IKBKB: variants seen among roughly 807,000 people sequenced by gnomAD.
IKBKB encodes inhibitor of nuclear factor kappa-B kinase subunit beta.
IKBKB carries 42 observed loss-of-function variants against 113.6 expected under a neutral mutation model. The ratio of observed to expected loss-of-function variants is 0.37; its 90% CI spans 0.29 to 0.48. IKBKB has a LOEUF of 0.48. Among genes scored for constraint, IKBKB ranks in the 20% least tolerant of loss-of-function variants. The probability of loss-of-function intolerance (pLI) is 0.99; values close to 1 mark genes in which losing one functional copy is unlikely to be tolerated. For synonymous variants in IKBKB, 296 were observed against 361.3 expected (o/e 0.82, Z 2.05); for missense variants, 673 against 939.7 (o/e 0.72, Z 3.71).
rs184635111 is a variant in IKBKB, at chr8:42,312,432, A to T, written c.693-1890A>T. Among the ~76,000 whole-genome samples, 497 of 152,332 alleles carry T rather than the reference A, an allele frequency of 3.3e-3. 7 individuals carry two copies. Among genetic ancestry groups the T allele is most frequent in the Admixed American group, 0.029 (443 of 15,302 alleles). On this transcript the variant is annotated intron_variant, in intron 8 of 21. Transcript: ENST00000520810. ...TTCAAGTAGATTTCTCTGAAACCCA[A>T]TAAGGAGCTGTTTTGTGGACTATCT... is the stretch of plus-strand genomic sequence containing the variant.
intron 4 of IKBKB, among the ~76,000 whole-genome samples, chr8:42,293,193 C>T (rs1813014615): frequency 6.6e-6 from 1 of 152,156 alleles, no homozygotes; most frequent in African/African-American, 2.4e-5. Flanking sequence ...AAACTTTACT[C>T]ACCTCAGAGG....
At position 42,331,527 on chromosome 8, in the gene IKBKB, C is replaced by G. The variant is rs934726658; in HGVS notation, c.*548C>G. 1.6e-6 allele frequency: 1 copy of G among 638,288 alleles called. No individual in the cohort carries two copies. Among genetic ancestry groups the G allele is most frequent in the African/African-American group, 1.8e-5 (1 of 55,252 alleles). 39.5% of individuals were successfully genotyped at this position (638,288 alleles called of 1,614,324 possible). A position where few individuals can be genotyped will look rare whatever the true frequency, so the allele number is the denominator to read the frequency against. ...CTGGATTCAGCTTCTCCTAAACAGA[C>G]AGTTTAATTATAGTTGCGGCCTGGC... On this transcript the variant is annotated 3_prime_UTR_variant, in exon 22 of 22. Coordinates refer to ENST00000520810, the MANE Select transcript of IKBKB (RefSeq NM_001556.3).
At chr8:42,318,978 C>A in intron 13 of IKBKB, 1 of 537,874 alleles carries the variant, frequency 1.9e-6, no homozygotes, top group East Asian at 3.2e-5. Flanking sequence ...CAAAACTCCC[C>A]TGACCGTGCT....
intron 2 of IKBKB, among the ~76,000 whole-genome samples, chr8:42,273,282 G>A (rs1480841382): frequency 6.6e-6 from 1 of 151,536 alleles, no homozygotes; most frequent in Non-Finnish European, 1.5e-5. Context: ...TGGTGTGGTG[G>A]TGCATGCCTG....
At chr8:42,271,515 C>T in intron 1 of IKBKB, 46 bp downstream of exon 1, 2 of 659,088 alleles carry the variant, frequency 3.0e-6, no homozygotes, top group South Asian at 2.0e-5. Flanking sequence ...CTGCAGGCCC[C>T]GCCGCCCCGC....
At chr8:42,276,984 A>C (rs1173348992) in intron 2 of IKBKB, among the ~76,000 whole-genome samples, 1 of 145,294 alleles carries the variant, frequency 6.9e-6, no homozygotes, top group Admixed American at 7.2e-5. Flanking sequence ...CTCCTGCCTC[A>C]GCCTCCCAAG....
Position 42,331,196 on chromosome 8 carries a change from C to G in IKBKB, c.*217C>G, listed in dbSNP as rs200059646. ...CTTCCTCAGCAGCTGTGACTTTCAC[C>G]CAGGACCCAGGACGCAGCCCTCCGT... is the stretch of plus-strand genomic sequence containing the variant. On this transcript the variant is annotated 3_prime_UTR_variant, in exon 22 of 22. Coordinates refer to ENST00000520810, the MANE Select transcript of IKBKB (RefSeq NM_001556.3). The G allele has an allele frequency of 3.9e-6, 3 of 772,820 alleles. No individual in the cohort carries two copies. The highest frequency in any genetic ancestry group is 6.7e-6 in the Non-Finnish European group (3 of 450,906). 47.9% of individuals were successfully genotyped at this position (772,820 alleles called of 1,614,324 possible).
Position 42,331,862 on chromosome 8 carries a change from GTC to G in IKBKB, c.*888_*889del. ...GTGTGTGCTGGGCCGGGGAGTCCCT[GTC>G]TCTCACAGCATCTAGCAGTATTATT... On this transcript the variant is annotated 3_prime_UTR_variant, in exon 22 of 22. Transcript: ENST00000520810. 1 of 193,082 alleles carries G rather than the reference GTC, an allele frequency of 5.2e-6. No individual in the cohort carries two copies. Among genetic ancestry groups the G allele is most frequent in the Non-Finnish European group, 1.1e-5 (1 of 91,388 alleles). 12.0% of individuals were successfully genotyped at this position (193,082 alleles called of 1,614,324 possible). A position where few individuals can be genotyped will look rare whatever the true frequency, so the allele number is the denominator to read the frequency against.
At chr8:42,305,158 TAAG>T in intron 5 of IKBKB, 26 bp from the exon 6 acceptor site, 1 of 1,523,700 alleles carries the variant, frequency 6.6e-7, no homozygotes, top group Non-Finnish European at 9.1e-7. Flanking sequence ...TTTTTAGGCC[TAAG>T]AAAAACTCAC....
chr8:42,299,050 T>A (rs1814557847), intron 5 of IKBKB, among the ~76,000 whole-genome samples: 2 of 152,152 alleles, frequency 1.3e-5, no homozygotes, highest in African/African-American at 4.8e-5. Context: ...AACCCTGAAC[T>A]CATCCTAAAG....
intron 5 of IKBKB, among the ~76,000 whole-genome samples, chr8:42,293,797 C>T (rs1387693516): frequency 3.3e-5 from 5 of 152,178 alleles, no homozygotes; most frequent in Non-Finnish European, 4.4e-5. Context: ...AAGCTCCCCT[C>T]CCTCCTTTCC....
At chr8:42,284,822 G>GTGCAT in intron 2 of IKBKB, among the ~76,000 whole-genome samples, 2 of 150,702 alleles carry the variant, frequency 1.3e-5, no homozygotes, top group Non-Finnish European at 3.0e-5. Flanking sequence ...GGTGTAACAT[G>GTGCAT]GTCTGCACAT....
At chr8:42,308,462 T>C (rs1817001808) in intron 7 of IKBKB, among the ~76,000 whole-genome samples, 1 of 152,024 alleles carries the variant, frequency 6.6e-6, no homozygotes, top group South Asian at 2.1e-4. Flanking sequence ...CATGCCCAGC[T>C]AATTTTTGTA....
Position 42,289,766 on chromosome 8 carries a change from AG to A in IKBKB, c.201-389del, listed in dbSNP as rs1441213492. Among the ~76,000 whole-genome samples the A allele has an allele frequency of 3.3e-5, 5 of 152,134 alleles. 1 individual carries two copies. Among genetic ancestry groups the A allele is most frequent in the Non-Finnish European group, 7.4e-5 (5 of 68,004 alleles). ...ACCTGCCGAAAATTAAACAGACAAA[AG>A]AAAAAAAATATGAAAACAAAAAGAG... is the stretch of plus-strand genomic sequence containing the variant. On this transcript the variant is annotated intron_variant, in intron 3 of 21. Transcript: ENST00000520810.
Position 42,271,306 on chromosome 8 carries a change from C to T in IKBKB, c.-182C>T, listed in dbSNP as rs1053465097. Reference sequence around the variant, plus strand: ...CGGCCGCGGCCAACGTGCTCCGTGACGTCAGAGCAGGAAGTGTTTGAGGAA... The same window carrying T: ...CGGCCGCGGCCAACGTGCTCCGTGATGTCAGAGCAGGAAGTGTTTGAGGAA... On this transcript the variant is annotated 5_prime_UTR_variant, in exon 1 of 22. It adds an upstream start codon to the 5' untranslated region. Coordinates refer to ENST00000520810, the MANE Select transcript of IKBKB (RefSeq NM_001556.3). 6 of 897,154 alleles carry T rather than the reference C, an allele frequency of 6.7e-6. No individual in the cohort carries two copies. Among genetic ancestry groups the T allele is most frequent in the Admixed American group, 2.0e-5 (1 of 50,034 alleles). 55.6% of individuals were successfully genotyped at this position (897,154 alleles called of 1,614,324 possible). A position where few individuals can be genotyped will look rare whatever the true frequency, so the allele number is the denominator to read the frequency against.
chr8:42,317,645 G>C lies in IKBKB; in HGVS notation c.1126-12G>C, dbSNP rs1164701264. On this transcript the variant is annotated splice_polypyrimidine_tract_variant and intron_variant, in intron 11 of 21. Transcript: ENST00000520810. ...GATCCACAAGATTCATTTTGTCCTT[G>C]TCCCTTTGCAGTTAAATGAGGGCCA... 2.6e-6 allele frequency: 4 copies of C among 1,546,152 alleles called. No individual in the cohort carries two copies. Among genetic ancestry groups the C allele is most frequent in the Admixed American group, 3.3e-5 (2 of 59,912 alleles).
At chr8:42,293,257 TCTCCTCCTC>T (rs533626590) in intron 4 of IKBKB, among the ~76,000 whole-genome samples, 177 bp from the exon 5 acceptor site, 2 of 151,676 alleles carry the variant, frequency 1.3e-5, no homozygotes, top group African/African-American at 2.4e-5. Context: ...GCTTCCTCTT[TCTCCTCCTC>T]CTCCTCCTCC....
At chr8:42,286,374 G>C (rs1247306382) in intron 2 of IKBKB, among the ~76,000 whole-genome samples, 1 of 152,214 alleles carries the variant, frequency 6.6e-6, no homozygotes, top group Non-Finnish European at 1.5e-5. Context: ...GAAGGTCCTT[G>C]TTCCTGCAGG....
intron 8 of IKBKB, among the ~76,000 whole-genome samples, chr8:42,310,058 A>AT: frequency 6.6e-6 from 1 of 152,316 alleles, no homozygotes; most frequent in Non-Finnish European, 1.5e-5. Flanking sequence ...GACCATTTTT[A>AT]TTTGTCAGTT....
Sources: allele counts gnomAD v4.1 joint callset (sites outside exome capture counted in the v4.1 genomes callset), GRCh38; gene constraint gnomAD v4.1.1; transcripts MANE v1.5; gene names NCBI Gene and HGNC (gene_info 2026-07-23, HGNC 2026-07-21).